FANCA: variants seen among roughly 807,000 people sequenced by gnomAD.
FANCA encodes FA complementation group A.
FANCA carries 236 observed loss-of-function variants against 194.3 expected under a neutral mutation model. That is an observed-to-expected ratio of 1.21 (90% CI 1.09 to 1.35). The LOEUF is 1.35. FANCA is among the 40% of genes most tolerant of loss of function. The probability of loss-of-function intolerance (pLI) is 0.00; values close to 1 mark genes in which losing one functional copy is unlikely to be tolerated. For missense variants in FANCA, 2,628 were observed against 1,813.9 expected (o/e 1.45, Z -8.15); for synonymous variants, 1,014 against 715.8 (o/e 1.42, Z -6.65).
chr16:89,782,444 G>C (rs1481908736), intron 17 of FANCA, among the ~76,000 whole-genome samples: 2 of 151,800 alleles, frequency 1.3e-5, no homozygotes, highest in Non-Finnish European at 2.9e-5. Context: ...CCAGGAGGCA[G>C]AGGTTGCAGT....
At chr16:89,763,635 A>G (rs2039025816) in intron 28 of FANCA, among the ~76,000 whole-genome samples, 1 of 151,958 alleles carries the variant, frequency 6.6e-6, no homozygotes, top group East Asian at 1.9e-4. Context: ...CCTGGCAGAC[A>G]TGTTTAAAAC....
At chr16:89,749,145 T>C (rs1029769880) in intron 32 of FANCA, among the ~76,000 whole-genome samples, 1 of 152,174 alleles carries the variant, frequency 6.6e-6, no homozygotes, top group African/African-American at 2.4e-5. Context: ...GCCGTGGGCA[T>C]TTCTGAACAC....
At chr16:89,775,624 G>T in intron 21 of FANCA, 118 bp downstream of exon 21, 1 of 804,822 alleles carries the variant, frequency 1.2e-6, no homozygotes, top group Non-Finnish European at 2.1e-6. Flanking sequence ...CAAAGCACCG[G>T]CTTGAGCTGG....
At chr16:89,798,662 G>T in intron 10 of FANCA, 1 of 1,244,856 alleles carries the variant, frequency 8.0e-7, no homozygotes, top group Non-Finnish European at 1.0e-6. Context: ...AAGGGTCTCC[G>T]CACATCTCCA....
chr16:89,761,610 G>A (rs1021109128), intron 29 of FANCA, among the ~76,000 whole-genome samples: 1 of 151,978 alleles, frequency 6.6e-6, no homozygotes, highest in Non-Finnish European at 1.5e-5. Flanking sequence ...GGAAAACCGT[G>A]TAACATTTTA....
At chr16:89,755,211 A>G (rs914241428) in intron 30 of FANCA, among the ~76,000 whole-genome samples, 1 of 150,472 alleles carries the variant, frequency 6.6e-6, no homozygotes, top group African/African-American at 2.4e-5. Context: ...CTCACACAAC[A>G]ATTTTTTTTT....
rs748741198 is a variant in FANCA, at chr16:89,749,716, G to A, written c.3239+14C>T. 8 of 1,611,826 alleles carry A rather than the reference G, an allele frequency of 5.0e-6. No homozygotes were observed. Among genetic ancestry groups the A allele is most frequent in the African/African-American group, 1.3e-5 (1 of 74,888 alleles). On this transcript the variant is annotated intron_variant, in intron 32 of 42. Transcript: ENST00000389301. The stretch of plus-strand genomic sequence containing the variant: ...CAGGTGGTGCTGCCCTGCCCAGGTG[G>A]TAGTAGGTGTTACCGTTTGTACATT...
At chr16:89,749,702 G>T in intron 32 of FANCA, 28 bp downstream of exon 32, 1 of 1,604,030 alleles carries the variant, frequency 6.2e-7, no homozygotes, top group Non-Finnish European at 8.5e-7. Context: ...AGGTGGTGCT[G>T]CCCTGCCCAG....
At chr16:89,765,161 CCA>C (rs2143290851) in intron 27 of FANCA, 95 bp from the exon 28 acceptor site, 3 of 1,395,510 alleles carry the variant, frequency 2.1e-6, no homozygotes, top group South Asian at 1.2e-5. Context: ...CATCAACAGC[CCA>C]CACACACAAC....
At chr16:89,805,213 A>G in intron 7 of FANCA, 67 bp downstream of exon 7, 3 of 1,236,212 alleles carry the variant, frequency 2.4e-6, no homozygotes, top group South Asian at 2.5e-5. Flanking sequence ...AGCTCTTGAG[A>G]GCAGAAGGCA....
rs1205830311 is a variant in FANCA at position 89,737,641 on chromosome 16, G to A, written c.*960C>T. The A allele has an allele frequency of 7.3e-7, 1 of 1,363,334 alleles. No homozygotes were observed. The highest frequency in any genetic ancestry group is 1.5e-5 in the African/African-American group (1 of 68,324). The allele number at this position is 1,363,334 out of a possible 1,614,324, so 84.5% of individuals were successfully genotyped here. On this transcript the variant is annotated 3_prime_UTR_variant, in exon 43 of 43. Transcript: ENST00000389301. ...GTGACAGTGTATAAAGCAGTTTAAA[G>A]ATCTTAATAAACGAGGCCCTCATAG...
chr16:89,759,239 G>C (rs2038862145), intron 29 of FANCA, among the ~76,000 whole-genome samples: 2 of 144,314 alleles, frequency 1.4e-5, no homozygotes, highest in African/African-American at 2.6e-5. Flanking sequence ...AGAATGGTAT[G>C]AACCTGGGAG....
rs754551767 is a variant in FANCA at position 89,783,125 on chromosome 16, A to G, written c.1471-23T>C. ...CACCTGAGGATAGATAGCAGAGCGC[A>G]GCACCGTTAGTCTGGGAACTGCCTG... On this transcript the variant is annotated intron_variant, in intron 15 of 42. Coordinates refer to ENST00000389301, the MANE Select transcript of FANCA (RefSeq NM_000135.4). 3.8e-6 allele frequency: 6 copies of G among 1,577,064 alleles called. No homozygotes were observed. The Admixed American group carries it at 5.0e-5, about 13-fold the overall frequency.
chr16:89,742,318 C>T (rs2062153712), intron 37 of FANCA, among the ~76,000 whole-genome samples: 1 of 151,976 alleles, frequency 6.6e-6, no homozygotes, highest in Admixed American at 6.6e-5. Flanking sequence ...ATTAGCCGGG[C>T]ATGGTGGCAC....
intron 32 of FANCA, 143 bp downstream of exon 32, chr16:89,749,587 A>G: frequency 9.4e-7 from 1 of 1,067,184 alleles, no homozygotes; most frequent in Non-Finnish European, 1.4e-6. Flanking sequence ...GGCATGTGCC[A>G]CAGAAATGGA....
At position 89,737,823 on chromosome 16, in the gene FANCA, T is replaced by A; in HGVS notation, c.*778A>T. 6.2e-7 allele frequency: 1 copy of A among 1,614,158 alleles called. No individual in the cohort carries two copies. The highest frequency in any genetic ancestry group is 1.7e-5 in the Admixed American group (1 of 60,014). On this transcript the variant is annotated 3_prime_UTR_variant, in exon 43 of 43. Coordinates refer to ENST00000389301, the MANE Select transcript of FANCA (RefSeq NM_000135.4). ...CCTCTCAGAGGTGCGGAACTATATC[T>A]GTGACGAATGTGGACAAACCTTCAA...
At chr16:89,794,414 G>C (rs1222816566) in intron 11 of FANCA, among the ~76,000 whole-genome samples, 2 of 152,100 alleles carry the variant, frequency 1.3e-5, no homozygotes, top group Non-Finnish European at 2.9e-5. Flanking sequence ...GCTGGGCATG[G>C]TGGCAGGCGC....
chr16:89,801,873 G>A (rs1243715107), intron 8 of FANCA, among the ~76,000 whole-genome samples: 1 of 151,766 alleles, frequency 6.6e-6, no homozygotes, highest in Admixed American at 6.6e-5. Context: ...GAGCAACAGA[G>A]AGAGACACCG....
At chr16:89,765,098 A>T in intron 27 of FANCA, 32 bp from the exon 28 acceptor site, 1 of 1,612,408 alleles carries the variant, frequency 6.2e-7, no homozygotes. Flanking sequence ...CCGTTTCTTC[A>T]TTGCGCAAGT....
Sources: allele counts gnomAD v4.1 joint callset (sites outside exome capture counted in the v4.1 genomes callset), GRCh38; gene constraint gnomAD v4.1.1; transcripts MANE v1.5; gene names NCBI Gene and HGNC (gene_info 2026-07-23, HGNC 2026-07-21).